INSL6: variants seen among roughly 807,000 people sequenced by gnomAD.
INSL6 encodes insulin-like peptide INSL6.
Under a neutral mutation model 9.4 loss-of-function variants are expected in INSL6, and 16 were observed. That is an observed-to-expected ratio of 1.70 (90% confidence interval 1.15 to 2.59). The LOEUF is 2.59. Among genes scored for constraint, INSL6 ranks in the 30% most tolerant of loss-of-function variants. The pLI is 0.00. For missense variants in INSL6, 391 were observed against 257.3 expected (o/e 1.52, Z -3.56); for synonymous variants, 154 against 96.9 (o/e 1.59, Z -3.46).
chr9:5,066,661 T>G, the INSL6 span: 1 of 1,398,722 alleles, frequency 7.1e-7, no homozygotes. Flanking sequence ...TTCAAATTGC[T>G]TCTTCTTTAC....
intron 1 of INSL6, among the ~76,000 whole-genome samples, chr9:5,166,209 TTTTG>T (rs906037132): frequency 2.0e-5 from 3 of 152,174 alleles, no homozygotes; most frequent in Admixed American, 6.5e-5. Context: ...AGATTTTTGT[TTTTG>T]TTTTTGTTTT....
At chr9:5,052,239 G>A in the INSL6 span, among the ~76,000 whole-genome samples, 2 of 152,052 alleles carry the variant, frequency 1.3e-5, no homozygotes, top group Admixed American at 6.6e-5. Flanking sequence ...ATCTTTCTAT[G>A]TAGATTGTAG....
chr9:5,081,934 T>C, the INSL6 span: 1 of 1,264,652 alleles, frequency 7.9e-7, no homozygotes. Context: ...GTTTCTAAAG[T>C]TCACTTTCTA....
the INSL6 span, among the ~76,000 whole-genome samples, chr9:5,083,026 C>A: frequency 6.6e-6 from 1 of 152,170 alleles, no homozygotes; most frequent in Non-Finnish European, 1.5e-5. Context: ...GAGGCTTTAA[C>A]ATGTAATGTG....
the INSL6 span, chr9:5,086,201 C>T: frequency 1.0e-5 from 6 of 574,532 alleles, no homozygotes; most frequent in South Asian, 1.0e-4. Flanking sequence ...GCGCCGCCCC[C>T]GCCACCAGCG....
At chr9:5,072,438 C>T in the INSL6 span, 3 of 1,359,300 alleles carry the variant, frequency 2.2e-6, no homozygotes, top group Non-Finnish European at 2.0e-6. Context: ...TTTCTTGTTC[C>T]TACTTCGTTC....
intron 3 of INSL6, among the ~76,000 whole-genome samples, chr9:5,131,595 G>A (rs537999618): frequency 2.8e-4 from 42 of 151,680 alleles, no homozygotes; most frequent in Non-Finnish European, 5.3e-4. Flanking sequence ...CCGCCACCAC[G>A]CCCGGCTAAT....
At chr9:5,176,751 G>T (rs1479073092) in intron 1 of INSL6, among the ~76,000 whole-genome samples, 1 of 149,630 alleles carries the variant, frequency 6.7e-6, no homozygotes, top group African/African-American at 2.5e-5. Flanking sequence ...AGTTTAGCAA[G>T]AAAGTGATAT....
At chr9:5,107,819 A>G in the INSL6 span, 1 of 152,140 alleles carries the variant, frequency 6.6e-6, no homozygotes, top group Non-Finnish European at 1.5e-5. Context: ...AATACCCATT[A>G]TCCTCCTAGT....
At chr9:5,088,796 C>T in the INSL6 span, among the ~76,000 whole-genome samples, 11 of 152,344 alleles carry the variant, frequency 7.2e-5, no homozygotes, top group African/African-American at 2.6e-4. Flanking sequence ...TCTAATGTCT[C>T]TTCCTCTTAT....
chr9:5,092,005 G>A, the INSL6 span, among the ~76,000 whole-genome samples: 22 of 152,110 alleles, frequency 1.4e-4, no homozygotes, highest in Non-Finnish European at 2.9e-4. Flanking sequence ...CGATTGCTAG[G>A]TGCTGAACTG....
At chr9:5,136,322 G>T (rs538428743) in intron 2 of INSL6, among the ~76,000 whole-genome samples, 3 of 152,058 alleles carry the variant, frequency 2.0e-5, no homozygotes, top group African/African-American at 7.3e-5. Context: ...AACAAAAAAA[G>T]AGAATTTTAG....
chr9:5,160,941 T>G (rs1380500097), downstream of INSL6, among the ~76,000 whole-genome samples: 1 of 152,126 alleles, frequency 6.6e-6, no homozygotes, highest in Non-Finnish European at 1.5e-5. Flanking sequence ...AGATTGAAGC[T>G]ATAATAAAAA....
chr9:5,037,541 G>A, the INSL6 span, among the ~76,000 whole-genome samples: 1 of 152,152 alleles, frequency 6.6e-6, no homozygotes, highest in Non-Finnish European at 1.5e-5. Flanking sequence ...AAAATGATGA[G>A]TTCATGTCCT....
chr9:5,147,537 G>A (rs1018939355), intron 2 of INSL6, among the ~76,000 whole-genome samples: 1 of 152,196 alleles, frequency 6.6e-6, no homozygotes, highest in Non-Finnish European at 1.5e-5. Context: ...AGACTGCCTG[G>A]TAAGGAGATT....
the INSL6 span, among the ~76,000 whole-genome samples, chr9:5,059,208 C>T: frequency 6.6e-6 from 1 of 152,176 alleles, no homozygotes. Flanking sequence ...TAGAAGGTTT[C>T]CACATGCATC....
chr9:5,124,570 T>G (rs147906148), intron 3 of INSL6, among the ~76,000 whole-genome samples: 1 of 151,700 alleles, frequency 6.6e-6, no homozygotes, highest in African/African-American at 2.4e-5. Context: ...CTAAAATTCA[T>G]AGGGAACCAA....
At chr9:5,050,184 T>A in the INSL6 span, among the ~76,000 whole-genome samples, 21 of 152,386 alleles carry the variant, frequency 1.4e-4, no homozygotes, top group East Asian at 3.9e-3. Flanking sequence ...ATGTTATATG[T>A]ACTCTGTAAT....
chr9:5,106,367 G>C, the INSL6 span, among the ~76,000 whole-genome samples: 1 of 152,192 alleles, frequency 6.6e-6, no homozygotes, highest in Non-Finnish European at 1.5e-5. Context: ...ATGCCAGTTA[G>C]AATGGTGATC....
Sources: allele counts gnomAD v4.1 joint callset (sites outside exome capture counted in the v4.1 genomes callset), GRCh38; gene constraint gnomAD v4.1.1; transcripts MANE v1.5; gene names NCBI Gene and HGNC (gene_info 2026-07-23, HGNC 2026-07-21).